RPH3A: variants seen among roughly 807,000 people sequenced by gnomAD.
RPH3A encodes the protein rabphilin 3A, also known as rabphilin-3A.
RPH3A carries 48 observed loss-of-function variants against 102.2 expected under a neutral mutation model. The observed-to-expected ratio is 0.47, with a 90% CI of 0.37 to 0.60. The LOEUF (loss-of-function observed/expected upper bound fraction) is 0.60. RPH3A is among the 20% of genes least tolerant of loss of function. The probability of loss-of-function intolerance (pLI) is 0.00; values close to 1 mark genes in which losing one functional copy is unlikely to be tolerated. For synonymous variants in RPH3A, 310 were observed against 324.3 expected, an observed-to-expected ratio of 0.96 and a Z score of 0.47; for missense variants, 781 against 910.1, an observed-to-expected ratio of 0.86 and a Z score of 1.83.
intron 1 of RPH3A, among the ~76,000 whole-genome samples, chr12:112,776,873 C>CAAAAAAAAAAAAAAAAA (rs548377186): frequency 5.4e-5 from 4 of 73,908 alleles, no homozygotes; most frequent in East Asian, 4.4e-4. Context: ...GACTCCATCT[C>CAAAAAAAAAAAAAAAAA]AAAAAAAAAA....
Position 112,678,281 on chromosome 12 carries a change from GAAAGAAAGAAAGAAAGAAAGAA to G in RPH3A, c.-140+102964_-140+102985del, listed in dbSNP as rs1442368637. ...AGAAAGAAAGAAAGAAAGAAAGAAA[GAAAGAAAGAAAGAAAGAAAGAA>G]AGAGAGAGAGAGAGAAAGAAAGAAA... On this transcript the variant is annotated intron_variant, in intron 1 of 21. Coordinates refer to the RPH3A transcript ENST00000543106. 3.7e-3 allele frequency among the ~76,000 whole-genome samples: 278 copies of G among 75,480 alleles called. 18 individuals are homozygous for G. The highest frequency in any genetic ancestry group is 0.017 in the African/African-American group (234 of 13,650). The allele number at this position is 75,480 out of a possible 152,430, so 49.5% of individuals were successfully genotyped here.
At chr12:112,675,770 T>C (rs554673966) in intron 1 of RPH3A, among the ~76,000 whole-genome samples, 30 of 152,192 alleles carry the variant, frequency 2.0e-4, no homozygotes, top group African/African-American at 7.0e-4. Flanking sequence ...TTCTTAAAAA[T>C]TGGATATTTT....
intron 1 of RPH3A, among the ~76,000 whole-genome samples, chr12:112,752,344 T>C (rs978641987): frequency 3.3e-5 from 5 of 152,166 alleles, no homozygotes; most frequent in African/African-American, 1.2e-4. Context: ...TAACAAAAAA[T>C]TCAATTATAG....
chr12:112,622,586 T>C (rs1225027342), intron 1 of RPH3A, among the ~76,000 whole-genome samples: 1 of 150,150 alleles, frequency 6.7e-6, no homozygotes, highest in Non-Finnish European at 1.5e-5. Flanking sequence ...GTCTGATTGG[T>C]GTACCTGAAA....
chr12:112,825,894 T>TTTA lies in RPH3A; in HGVS notation c.-18-2404_-18-2402dup, dbSNP rs534204830. Among the ~76,000 whole-genome samples, 264 of 151,748 alleles carry TTTA rather than the reference T, an allele frequency of 1.7e-3. 2 individuals carry two copies. The highest frequency in any genetic ancestry group is 6.0e-3 in the African/African-American group (248 of 41,148). ...ATGGAGAAGCGGGAGGAGGAACTATTTTATTTATTTATTTATTTAGGTCAT... is the reference window on the plus strand; with the variant it reads ...ATGGAGAAGCGGGAGGAGGAACTATTTTATTATTTATTTATTTATTTAGGTCAT... On this transcript the variant is annotated intron_variant, in intron 2 of 21. Transcript: ENST00000389385.
chr12:112,677,439 T>C (rs1051950788), intron 1 of RPH3A, among the ~76,000 whole-genome samples: 2 of 114,702 alleles, frequency 1.7e-5, no homozygotes, highest in Non-Finnish European at 3.6e-5. Flanking sequence ...CCTTCCTTCC[T>C]TCCTTCCTTC....
chr12:112,831,705 T>A, intron 3 of RPH3A: 1 of 451,674 alleles, frequency 2.2e-6, no homozygotes, highest in South Asian at 1.6e-5. Flanking sequence ...TCTCAGACTG[T>A]GTGTATCTTA....
At chr12:112,693,921 G>A (rs1266535143) in intron 1 of RPH3A, among the ~76,000 whole-genome samples, 4 of 152,202 alleles carry the variant, frequency 2.6e-5, no homozygotes, top group Non-Finnish European at 4.4e-5. Context: ...TTGCACTGAT[G>A]TTCAGCAGTT....
chr12:112,886,543 G>A (rs898318799), intron 16 of RPH3A, among the ~76,000 whole-genome samples: 14 of 152,226 alleles, frequency 9.2e-5, no homozygotes, highest in Non-Finnish European at 1.8e-4. Flanking sequence ...CTCACCTGCT[G>A]CTCACCTCCT....
chr12:112,589,995 A>T (rs1267273172), intron 1 of RPH3A, among the ~76,000 whole-genome samples: 1 of 151,836 alleles, frequency 6.6e-6, no homozygotes, highest in African/African-American at 2.4e-5. Flanking sequence ...AGGCAGGAGG[A>T]TCGCTTGAAC....
At position 112,703,272 on chromosome 12, in the gene RPH3A, G is replaced by A. The variant is rs7310963; in HGVS notation, c.-139-88871G>A. On this transcript the variant is annotated intron_variant, in intron 1 of 21. Transcript: ENST00000543106. Reference sequence around the variant, plus strand: ...TGTGAATAATAAACTTTTATTATTTGTGGGTTTGTTACACAGCATATTGTG... The same window carrying A: ...TGTGAATAATAAACTTTTATTATTTATGGGTTTGTTACACAGCATATTGTG... Among the ~76,000 whole-genome samples the A allele has an allele frequency of 1.6e-3, 237 of 152,322 alleles. 1 individual carries two copies. Among genetic ancestry groups the A allele is most frequent in the African/African-American group, 5.4e-3 (223 of 41,576 alleles).
At chr12:112,590,893 C>T (rs1189408939) in intron 1 of RPH3A, among the ~76,000 whole-genome samples, 2 of 152,122 alleles carry the variant, frequency 1.3e-5, no homozygotes, top group Non-Finnish European at 2.9e-5. Flanking sequence ...ACCTTAGGTT[C>T]AAGTGATCTT....
At position 112,887,922 on chromosome 12, in the gene RPH3A, C is replaced by T. The variant is rs761048118; in HGVS notation, c.1562C>T (p.Pro521Leu). Residue 521 changes from proline (P) to leucine (L), a missense_variant and splice_region_variant, in exon 17 of 22, where the codon CCT (proline) becomes CTT (leucine). This residue lies in a region of RPH3A where 730 missense variants were observed against 810.0 expected (regional missense o/e 0.90). Coordinates refer to ENST00000389385, the MANE Select transcript of RPH3A (RefSeq NM_001143854.2). ...AACATCTGCCTGGAGCGAGTGATTC[C>T]TGTGAGTGACTTTACCCTGAGGATC... ...NFNICLERVI[P>L]MKRAGTTGSA... 101 of 1,613,006 alleles carry T rather than the reference C, an allele frequency of 6.3e-5. No homozygotes were observed. The highest frequency in any genetic ancestry group is 8.1e-5 in the Non-Finnish European group (95 of 1,179,272).
intron 3 of RPH3A, among the ~76,000 whole-genome samples, chr12:112,829,458 G>T (rs572922115): frequency 6.6e-6 from 1 of 152,154 alleles, no homozygotes; most frequent in South Asian, 2.1e-4. Flanking sequence ...TTTTTGTAGA[G>T]ATAGGGTCTT....
chr12:112,811,788 A>G (rs2041581132), intron 2 of RPH3A, among the ~76,000 whole-genome samples: 1 of 152,212 alleles, frequency 6.6e-6, no homozygotes, highest in Non-Finnish European at 1.5e-5. Context: ...ATGTATCTGC[A>G]TTCATCATGA....
At chr12:112,883,240 G>T in intron 15 of RPH3A, 53 bp from the exon 16 acceptor site, 2 of 1,452,050 alleles carry the variant, frequency 1.4e-6, no homozygotes. Context: ...TGGGGTTCCA[G>T]GACTGGCTCC....
chr12:112,746,221 AAC>A (rs1356184154), intron 1 of RPH3A, among the ~76,000 whole-genome samples: 4 of 152,140 alleles, frequency 2.6e-5, no homozygotes, highest in African/African-American at 9.7e-5. Context: ...CAACAAGACA[AAC>A]ACAACCTGCT....
chr12:112,774,418 ATAGATGAGAGCAC>A (rs2040950137), intron 1 of RPH3A, among the ~76,000 whole-genome samples: 1 of 152,238 alleles, frequency 6.6e-6, no homozygotes, highest in Non-Finnish European at 1.5e-5. Context: ...TGTCCTGGAT[ATAGATGAGAGCAC>A]TAGATTGAGA....
At chr12:112,803,908 G>A (rs949834326) in intron 2 of RPH3A, among the ~76,000 whole-genome samples, 4 of 152,180 alleles carry the variant, frequency 2.6e-5, no homozygotes, top group Non-Finnish European at 5.9e-5. Context: ...TTACTCACCT[G>A]TAAGATGGGA....
Sources: allele counts gnomAD v4.1 joint callset (sites outside exome capture counted in the v4.1 genomes callset), GRCh38; gene constraint gnomAD v4.1.1; regional missense constraint gnomAD v4.1.1; transcripts MANE v1.5; gene names NCBI Gene and HGNC (gene_info 2026-07-23, HGNC 2026-07-21).